Variants in ZNF577 observed in about 807,000 individuals in gnomAD.
The protein encoded by ZNF577 is zinc finger protein 577.
ZNF577 carries 14 observed loss-of-function variants against 13.9 expected under a neutral mutation model. That is an observed-to-expected ratio of 1.00 (90% CI 0.66 to 1.57). The LOEUF (loss-of-function observed/expected upper bound fraction) is 1.57, where lower values mean the gene tolerates loss of function less well. ZNF577 is among the 40% of genes most tolerant of loss of function. The pLI, the probability that ZNF577 is intolerant of heterozygous loss-of-function variation, is 0.00. For missense variants in ZNF577, 555 were observed against 579.2 expected (o/e 0.96, Z 0.43); for synonymous variants, 203 against 202.9 (o/e 1.00, Z 0.00).
chr19:51,880,621 A>G (rs8113584), intron 2 of ZNF577, 58 bp downstream of exon 2: 105,194 of 548,868 alleles, frequency 0.19, 12,932 homozygotes, highest in South Asian at 0.39. Flanking sequence ...ACTGTCTTTT[A>G]CAAGCTTCCA....
Position 51,868,719 on chromosome 19 carries a change from G to T in ZNF577, c.*3813C>A, listed in dbSNP as rs952909617. Among the ~76,000 whole-genome samples, 6 of 152,168 alleles carry T rather than the reference G, an allele frequency of 3.9e-5. No individual in the cohort carries two copies. Among genetic ancestry groups the T allele is most frequent in the African/African-American group, 9.7e-5 (4 of 41,434 alleles). ...AATTCACTCATGTGTGTGGGGGAAA[G>T]AAAGATAGATCAGACTGCTACTGTG... On this transcript the variant is annotated 3_prime_UTR_variant, in exon 6 of 6. Coordinates refer to ENST00000638348, the MANE Select transcript of ZNF577 (RefSeq NM_001370449.1).
At chr19:51,847,481 C>A (rs1326223940) in intron 5 of ZNF577, among the ~76,000 whole-genome samples, 1 of 152,088 alleles carries the variant, frequency 6.6e-6, no homozygotes, top group East Asian at 1.9e-4. Flanking sequence ...CCTGAAACCT[C>A]AGATCACTAA....
At chr19:51,835,101 G>T (rs1358338382) in intron 9 of ZNF577, among the ~76,000 whole-genome samples, 5 of 151,696 alleles carry the variant, frequency 3.3e-5, no homozygotes, top group African/African-American at 1.2e-4. Context: ...ATGAAATAGA[G>T]ATCAATAGAA....
chr19:51,840,030 C>G (rs12462062), exon 9 of ZNF577: 42,242 of 152,092 alleles, frequency 0.28, 6,354 homozygotes, highest in South Asian at 0.48. Context: ...GACTTTGAAA[C>G]CAGGCGTGCA....
Position 51,873,307 on chromosome 19 carries a change from T to C in ZNF577, c.683A>G (p.Gln228Arg). The change falls in exon 6 of 6, where the codon CAG (glutamine) becomes CGG (arginine). Residue 228 changes from glutamine to arginine, a missense_variant. Gln to Arg is a conservative substitution (Grantham distance 43). Coordinates refer to ENST00000638348, the MANE Select transcript of ZNF577 (RefSeq NM_001370449.1). ...ATGGGTTCTCTGATGGACCATGAGC[T>C]GTGACTTTCTGGAGAAGGCTTTTCC... ...ECGKAFSRKS[Q>R]LMVHQRTHTG... The C allele has an allele frequency of 6.2e-7, 1 of 1,614,212 alleles. No individual in the cohort carries two copies. The highest frequency in any genetic ancestry group is 8.5e-7 in the Non-Finnish European group (1 of 1,180,026).
intron 9 of ZNF577, among the ~76,000 whole-genome samples, chr19:51,838,275 A>G (rs889868706): frequency 6.6e-6 from 1 of 152,188 alleles, no homozygotes; most frequent in East Asian, 1.9e-4. Flanking sequence ...ACACAATTCT[A>G]GATGGAAATT....
intron 8 of ZNF577, chr19:51,840,708 A>G (rs1208685888): frequency 6.6e-6 from 1 of 152,224 alleles, no homozygotes; most frequent in Non-Finnish European, 1.5e-5. Flanking sequence ...ATCTAGCATT[A>G]TATGAAAAGA....
intron 9 of ZNF577, among the ~76,000 whole-genome samples, chr19:51,830,458 T>C (rs1438385559): frequency 6.6e-6 from 1 of 152,240 alleles, no homozygotes; most frequent in Non-Finnish European, 1.5e-5. Context: ...GTTCATGTCC[T>C]GATTACTGCA....
chr19:51,881,180 A>G (rs1295565595), intron 1 of ZNF577, among the ~76,000 whole-genome samples: 1 of 152,196 alleles, frequency 6.6e-6, no homozygotes, highest in Non-Finnish European at 1.5e-5. Context: ...AGGTAAGACA[A>G]TGAAGGAAGT....
At chr19:51,825,052 G>A (rs192844849) in intron 9 of ZNF577, 4 of 452,656 alleles carry the variant, frequency 8.8e-6, no homozygotes, top group Non-Finnish European at 1.6e-5. Flanking sequence ...ACAGGTTTAA[G>A]GGCTCATTCC....
In ZNF577 at chr19:51,880,336, C is replaced by G; in HGVS notation, c.47G>C (p.Ser16Thr). The change falls in exon 3 of 6, where the codon AGT (serine) becomes ACT (threonine). Residue 16 changes from serine to threonine, a missense_variant. Coordinates refer to ENST00000638348, the MANE Select transcript of ZNF577 (RefSeq NM_001370449.1). ...TGACAAATTTACCTCCCCTGAAGAA[C>G]TGCCTTGCTCTCTCCTCACAGACAT... is the stretch of plus-strand genomic sequence containing the variant. The part of the protein sequence containing the change: ...IVMSVRREQG[S>T]SSGEGSLSFE... 6.2e-7 allele frequency: 1 copy of G among 1,614,104 alleles called. No homozygotes were observed. The highest frequency in any genetic ancestry group is 2.2e-5 in the East Asian group (1 of 44,874).
intron 10 of ZNF577, among the ~76,000 whole-genome samples, chr19:51,808,630 G>C (rs1187540165): frequency 6.6e-6 from 1 of 152,136 alleles, no homozygotes; most frequent in African/African-American, 2.4e-5. Context: ...GCAAATCAAG[G>C]CTTATCCTTC....
intron 10 of ZNF577, among the ~76,000 whole-genome samples, chr19:51,806,574 C>T (rs1333303201): frequency 6.6e-6 from 1 of 152,190 alleles, no homozygotes; most frequent in Non-Finnish European, 1.5e-5. Flanking sequence ...GTTTGATGTG[C>T]CCATTCTATA....
At chr19:51,808,847 G>A (rs2084078223) in intron 10 of ZNF577, among the ~76,000 whole-genome samples, 1 of 152,174 alleles carries the variant, frequency 6.6e-6, no homozygotes, top group Non-Finnish European at 1.5e-5. Flanking sequence ...AAGCTTATGT[G>A]TCCGGCATCC....
intron 5 of ZNF577, among the ~76,000 whole-genome samples, chr19:51,857,347 AG>A (rs2084435585): frequency 1.4e-5 from 2 of 145,190 alleles, no homozygotes; most frequent in African/African-American, 5.2e-5. Flanking sequence ...AGAAAGAAAG[AG>A]AGAAAGAAAG....
At chr19:51,831,178 C>T (rs756552888) in intron 9 of ZNF577, among the ~76,000 whole-genome samples, 4 of 151,982 alleles carry the variant, frequency 2.6e-5, no homozygotes, top group Admixed American at 1.3e-4. Flanking sequence ...TGCTGTGGTG[C>T]GATCTTCACT....
intron 9 of ZNF577, among the ~76,000 whole-genome samples, chr19:51,828,634 A>G (rs2084244111): frequency 6.6e-6 from 1 of 152,146 alleles, no homozygotes; most frequent in Non-Finnish European, 1.5e-5. Context: ...TTGTGGGTTC[A>G]GGAAACTGAG....
At chr19:51,863,994 T>C (rs530065038), downstream of ZNF577, among the ~76,000 whole-genome samples, 2 of 152,290 alleles carry the variant, frequency 1.3e-5, no homozygotes, top group South Asian at 2.1e-4. Flanking sequence ...TGAAAAGAAT[T>C]TGGATCTTGT....
chr19:51,857,071 C>G (rs1410539556), intron 5 of ZNF577, among the ~76,000 whole-genome samples: 1 of 151,998 alleles, frequency 6.6e-6, no homozygotes, highest in South Asian at 2.1e-4. Flanking sequence ...GAGGCCGAGG[C>G]AGGCGGAACA....
Sources: gnomAD v4.1 joint callset for allele counts (sites outside exome capture counted in the v4.1 genomes callset) on GRCh38, gnomAD v4.1.1 for gene constraint, MANE v1.5 for transcripts, NCBI Gene and HGNC (gene_info 2026-07-23, HGNC 2026-07-21) for gene names.